NOL4: variants seen among roughly 807,000 people sequenced by gnomAD.
NOL4 encodes the protein cancer/testis antigen 125.
Under a neutral mutation model 75.9 loss-of-function variants are expected in NOL4, and 17 were observed. The observed-to-expected ratio is 0.22, with a 90% CI of 0.15 to 0.34. The LOEUF is 0.34. NOL4 is among the 10% of genes least tolerant of loss of function. NOL4 has a pLI of 1.00. For synonymous variants in NOL4, 292 were observed against 289.9 expected, an observed-to-expected ratio of 1.01 and a Z score of -0.07; for missense variants, 614 against 793.5, an observed-to-expected ratio of 0.77 and a Z score of 2.72.
chr18:34,108,023 G>T (rs1019724957), intron 2 of NOL4, among the ~76,000 whole-genome samples: 4 of 152,166 alleles, frequency 2.6e-5, no homozygotes, highest in Non-Finnish European at 4.4e-5. Flanking sequence ...ATGGTTGAAG[G>T]AGAGTGAAGT....
intron 6 of NOL4, among the ~76,000 whole-genome samples, chr18:34,012,908 T>G (rs1000528342): frequency 6.6e-6 from 1 of 151,986 alleles, no homozygotes. Context: ...AGATGATTGG[T>G]CTCACACAGC....
chr18:34,139,333 T>C (rs2081040268), intron 1 of NOL4, among the ~76,000 whole-genome samples: 1 of 152,230 alleles, frequency 6.6e-6, no homozygotes. Context: ...GGTAAGCTAT[T>C]AATTATTGCA....
intron 3 of NOL4, among the ~76,000 whole-genome samples, chr18:34,104,745 T>C (rs1376517736): frequency 6.6e-6 from 1 of 152,046 alleles, no homozygotes; most frequent in East Asian, 1.9e-4. Context: ...AAGACATTGA[T>C]AGAAACCAAT....
intron 9 of NOL4, among the ~76,000 whole-genome samples, chr18:33,933,699 G>A (rs2067855463): frequency 6.6e-6 from 1 of 152,148 alleles, no homozygotes; most frequent in African/African-American, 2.4e-5. Flanking sequence ...CAGCAATTCA[G>A]TCACATCTTC....
chr18:34,039,703 CA>C (rs2076058533), intron 5 of NOL4, among the ~76,000 whole-genome samples: 1 of 151,914 alleles, frequency 6.6e-6, no homozygotes, highest in Admixed American at 6.6e-5. Flanking sequence ...AAAACATTGG[CA>C]AAATGTTCTT....
chr18:34,033,347 T>C (rs2075734665), intron 5 of NOL4, among the ~76,000 whole-genome samples: 2 of 151,934 alleles, frequency 1.3e-5, no homozygotes, highest in East Asian at 1.9e-4. Flanking sequence ...ATTTAACAGA[T>C]AGATATTATT....
chr18:33,853,153 T>C lies in NOL4; in HGVS notation c.1724-118A>G. Reference sequence around the variant, plus strand: ...AATGAATTCTTCCACAAGAAGCTAGTGATCTCTTTAATCAAATACATCTAC... The same window carrying C: ...AATGAATTCTTCCACAAGAAGCTAGCGATCTCTTTAATCAAATACATCTAC... On this transcript the variant is annotated intron_variant, in intron 10 of 10. Transcript: ENST00000261592. 8 of 857,988 alleles carry C rather than the reference T, an allele frequency of 9.3e-6. 1 individual carries two copies. The highest frequency in any genetic ancestry group is 3.3e-4 in the Middle Eastern group (1 of 3,066). 53.1% of individuals were successfully genotyped at this position (857,988 alleles called of 1,614,324 possible).
At chr18:33,967,867 C>A (rs2070731822) in intron 6 of NOL4, among the ~76,000 whole-genome samples, 1 of 152,038 alleles carries the variant, frequency 6.6e-6, no homozygotes, top group Non-Finnish European at 1.5e-5. Context: ...GCAGGCGGAT[C>A]ACAAGATTAG....
intron 5 of NOL4, among the ~76,000 whole-genome samples, chr18:34,072,186 T>C (rs2077551020): frequency 6.6e-6 from 1 of 151,918 alleles, no homozygotes; most frequent in South Asian, 2.1e-4. Flanking sequence ...GATCACAGCA[T>C]TGCACTCCAG....
intron 1 of NOL4, among the ~76,000 whole-genome samples, chr18:34,182,872 A>G (rs1019890651): frequency 2.0e-5 from 3 of 151,806 alleles, no homozygotes; most frequent in Non-Finnish European, 4.4e-5. Flanking sequence ...CAAAAAGTAC[A>G]TGAAATTTGA....
intron 9 of NOL4, among the ~76,000 whole-genome samples, chr18:33,890,784 C>G (rs1257346529): frequency 6.6e-6 from 1 of 151,914 alleles, no homozygotes. Context: ...AGTGTGTGTG[C>G]TAATACGCAG....
At position 33,851,611 on chromosome 18, in the gene NOL4, T is replaced by C. The variant is rs1169779961; in HGVS notation, c.*1231A>G. ...GTATAAGAAGCATGAACTAAAGTAC[T>C]TCTCCCTAAATATTTAAAAAATAGG... On this transcript the variant is annotated 3_prime_UTR_variant, in exon 11 of 11. Coordinates refer to ENST00000261592, the MANE Select transcript of NOL4 (RefSeq NM_003787.5). 6.6e-6 allele frequency: 1 copy of C among 152,412 alleles called. No individual in the cohort carries two copies. Among genetic ancestry groups the C allele is most frequent in the Non-Finnish European group, 1.5e-5 (1 of 67,996 alleles). 9.4% of individuals were successfully genotyped at this position (152,412 alleles called of 1,614,324 possible).
intron 5 of NOL4, among the ~76,000 whole-genome samples, chr18:34,043,213 G>T (rs909702634): frequency 6.6e-6 from 1 of 151,986 alleles, no homozygotes; most frequent in Non-Finnish European, 1.5e-5. Flanking sequence ...TCCATAGTGG[G>T]GGTTTATTAA....
At chr18:33,898,365 T>C (rs2065544826) in intron 9 of NOL4, among the ~76,000 whole-genome samples, 1 of 152,220 alleles carries the variant, frequency 6.6e-6, no homozygotes, top group Non-Finnish European at 1.5e-5. Context: ...TTCTTACCCC[T>C]AGTCTCAGTT....
chr18:33,981,956 A>T (rs1291242569), intron 6 of NOL4, among the ~76,000 whole-genome samples: 4 of 152,104 alleles, frequency 2.6e-5, no homozygotes, highest in African/African-American at 7.2e-5. Flanking sequence ...ACTACTCATG[A>T]ATCTATATAG....
intron 1 of NOL4, among the ~76,000 whole-genome samples, chr18:34,215,368 G>A (rs558279489): frequency 6.6e-6 from 1 of 152,212 alleles, no homozygotes; most frequent in East Asian, 1.9e-4. Context: ...ATTATGCCAG[G>A]TACTGGAGAT....
chr18:33,854,872 T>C (rs1392540987), intron 10 of NOL4, among the ~76,000 whole-genome samples: 1 of 151,936 alleles, frequency 6.6e-6, no homozygotes, highest in Non-Finnish European at 1.5e-5. Flanking sequence ...GGGAGATTGA[T>C]TTTATTCTAA....
At chr18:33,899,716 C>G (rs1362540208) in intron 9 of NOL4, among the ~76,000 whole-genome samples, 1 of 152,118 alleles carries the variant, frequency 6.6e-6, no homozygotes, top group East Asian at 1.9e-4. Context: ...CTCCCTTTTC[C>G]CTCTGTTTGG....
intron 1 of NOL4, among the ~76,000 whole-genome samples, chr18:34,189,676 T>G (rs1034585272): frequency 6.6e-6 from 1 of 152,200 alleles, no homozygotes; most frequent in South Asian, 2.1e-4. Flanking sequence ...TATTTTAAAT[T>G]AATGTATTCT....
Sources: gnomAD v4.1 joint callset for allele counts (sites outside exome capture counted in the v4.1 genomes callset) on GRCh38, gnomAD v4.1.1 for gene constraint, MANE v1.5 for transcripts, NCBI Gene and HGNC (gene_info 2026-07-23, HGNC 2026-07-21) for gene names.